The following KDM4A variants were observed in gnomAD, a reference collection of about 807,000 sequenced individuals.
KDM4A encodes the protein lysine demethylase 4A.
A neutral mutation model predicts 127.1 loss-of-function variants in KDM4A; 23 were observed. The observed-to-expected ratio is 0.18, with a 90% CI of 0.13 to 0.26. The LOEUF is 0.26. Among genes scored for constraint, KDM4A ranks in the 10% least tolerant of loss-of-function variants. KDM4A has a pLI of 1.00. For synonymous variants in KDM4A, 443 were observed against 466.5 expected (o/e 0.95, Z 0.65); for missense variants, 890 against 1,329.1 (o/e 0.67, Z 5.14).
At chr1:43,680,714 C>T (rs1193351330) in intron 11 of KDM4A, among the ~76,000 whole-genome samples, 1 of 152,230 alleles carries the variant, frequency 6.6e-6, no homozygotes, top group Non-Finnish European at 1.5e-5. Context: ...CAGCGGCATC[C>T]AGCCAAGTGT....
At chr1:43,660,276 G>A (rs1557904249) in intron 3 of KDM4A, 22 bp from the exon 4 acceptor site, 1 of 1,576,944 alleles carries the variant, frequency 6.3e-7, no homozygotes, top group African/African-American at 1.9e-5. Context: ...TGGTTTACAT[G>A]TTTCTTTTTA....
Position 43,681,747 on chromosome 1 carries a change from G to C in KDM4A, c.1735-1937G>C, listed in dbSNP as rs556160606. Among the ~76,000 whole-genome samples the C allele has an allele frequency of 3.3e-5, 5 of 152,124 alleles. No homozygotes were observed. In the South Asian group the frequency reaches 1.0e-3, roughly 32 times the overall value. Reference sequence around the variant, plus strand: ...CGGGGGGAAACAAGAATATTATTGGGGTATAGGAATAAAGCAAAATGAACT... The same window carrying C: ...CGGGGGGAAACAAGAATATTATTGGCGTATAGGAATAAAGCAAAATGAACT... On this transcript the variant is annotated intron_variant, in intron 11 of 21. Coordinates refer to ENST00000372396, the MANE Select transcript of KDM4A (RefSeq NM_014663.3).
rs1049904698 is a variant in KDM4A, at chr1:43,694,250, C to T, written c.2484+148C>T. On this transcript the variant is annotated intron_variant, in intron 17 of 21. Transcript: ENST00000372396. The surrounding 1 kb of genome is among the most constrained non-coding windows in gnomAD (Gnocchi z 5.2). ...CCTTAGTGGAGGCCAGGTGTGGTGG[C>T]TCACACCTGTAATCCCAGCCCTTTG... 6.0e-6 allele frequency: 4 copies of T among 670,776 alleles called. No individual in the cohort carries two copies. The highest frequency in any genetic ancestry group is 5.4e-5 in the Admixed American group (2 of 36,930). The allele number at this position is 670,776 out of a possible 1,614,324, so 41.6% of individuals were successfully genotyped here. A position where few individuals can be genotyped will look rare whatever the true frequency, so the allele number is the denominator to read the frequency against.
Position 43,671,485 on chromosome 1 carries a change from A to G in KDM4A, c.1364-20A>G, listed in dbSNP as rs547082985. The G allele has an allele frequency of 2.6e-6, 4 of 1,527,006 alleles. No homozygotes were observed. The highest frequency in any genetic ancestry group is 2.1e-5 in the Admixed American group (1 of 47,168). 94.6% of individuals were successfully genotyped at this position (1,527,006 alleles called of 1,614,324 possible). A position where few individuals can be genotyped will look rare whatever the true frequency, so the allele number is the denominator to read the frequency against. ...GTGCAGGAGGAACTTGGCTCTGTCT[A>G]ATGTGTATGTGTGTTTCAGATTATT... On this transcript the variant is annotated intron_variant, in intron 10 of 21. Coordinates refer to ENST00000372396, the MANE Select transcript of KDM4A (RefSeq NM_014663.3).
chr1:43,658,521 T>TTTA (rs1660299633), intron 3 of KDM4A, among the ~76,000 whole-genome samples: 1 of 144,400 alleles, frequency 6.9e-6, no homozygotes. Flanking sequence ...TTTTTTTTTT[T>TTTA]GAGATGGAGT....
At position 43,694,072 on chromosome 1, in the gene KDM4A, G is replaced by A. The variant is rs767177634; in HGVS notation, c.2454G>A (p.Val818=). 1 of 1,614,056 alleles carries A rather than the reference G, an allele frequency of 6.2e-7. No homozygotes were observed. Residue 818 remains valine, a synonymous_variant, in exon 17 of 22, where the codon GTG becomes GTA. Transcript: ENST00000372396. This position sits in a 1 kb window ranked among gnomAD's most constrained non-coding sequence, Gnocchi z 5.2. ...VNIAERSPVD[V]SKIPLPRFKL... is the part of the protein sequence containing the mutation. ...TTGCAGAAAGAAGTCCGGTGGATGT[G>A]AGCAAAATCCCCCTGCCCCGCTTCA...
intron 19 of KDM4A, among the ~76,000 whole-genome samples, chr1:43,701,849 T>G (rs1287392044): frequency 6.6e-6 from 1 of 152,212 alleles, no homozygotes; most frequent in Non-Finnish European, 1.5e-5. Context: ...AATTCACAAC[T>G]CAAACAACAC....
intron 1 of KDM4A, among the ~76,000 whole-genome samples, chr1:43,652,641 AC>A (rs2154046149): frequency 8.1e-6 from 1 of 123,774 alleles, no homozygotes; most frequent in Admixed American, 8.1e-5. Flanking sequence ...GAGCCACCAC[AC>A]CCCCACCCTA....
intron 18 of KDM4A, 103 bp from the exon 19 acceptor site, chr1:43,697,740 T>G (rs1352464182): frequency 5.3e-6 from 6 of 1,136,578 alleles, no homozygotes; most frequent in Non-Finnish European, 7.6e-6. Flanking sequence ...TACTTTCCCA[T>G]GCTTATCTTT....
intron 4 of KDM4A, among the ~76,000 whole-genome samples, chr1:43,662,179 C>T (rs956319941): frequency 1.3e-5 from 2 of 151,946 alleles, no homozygotes; most frequent in African/African-American, 2.4e-5. Context: ...AGATTACAGG[C>T]GTGAGCCACC....
chr1:43,685,351 C>G (rs1660948147), intron 12 of KDM4A, among the ~76,000 whole-genome samples: 1 of 152,050 alleles, frequency 6.6e-6, no homozygotes, highest in African/African-American at 2.4e-5. Context: ...CTGTCACCTT[C>G]AGGGAGAGCA....
At chr1:43,681,437 C>T (rs1660854466) in intron 11 of KDM4A, among the ~76,000 whole-genome samples, 1 of 152,216 alleles carries the variant, frequency 6.6e-6, no homozygotes, top group South Asian at 2.1e-4. Flanking sequence ...GACTTCTTTT[C>T]TGAACCCCCA....
chr1:43,656,819 G>A (rs1480889118), intron 3 of KDM4A, among the ~76,000 whole-genome samples: 1 of 151,096 alleles, frequency 6.6e-6, no homozygotes, highest in Non-Finnish European at 1.5e-5. Context: ...TCCACCTCCC[G>A]GGTTCAAGCA....
intron 2 of KDM4A, 66 bp from the exon 3 acceptor site, chr1:43,655,525 C>T: frequency 1.4e-6 from 2 of 1,421,530 alleles, no homozygotes; most frequent in Non-Finnish European, 1.9e-6. Context: ...TAACTACATG[C>T]TTCCTGGACT....
chr1:43,691,833 A>C (rs1169227149), intron 15 of KDM4A, among the ~76,000 whole-genome samples: 1 of 152,144 alleles, frequency 6.6e-6, no homozygotes, highest in African/African-American at 2.4e-5. Flanking sequence ...TAACTCCCTT[A>C]AAAGAATTTA....
At chr1:43,672,011 G>C in intron 11 of KDM4A, 136 bp downstream of exon 11, 1 of 991,464 alleles carries the variant, frequency 1.0e-6, no homozygotes, top group Non-Finnish European at 1.4e-6. Flanking sequence ...CCCTCAGTCA[G>C]TGCCTCTAGC....
intron 1 of KDM4A, among the ~76,000 whole-genome samples, chr1:43,651,862 C>T (rs765599348): frequency 3.3e-5 from 5 of 152,192 alleles, no homozygotes; most frequent in African/African-American, 4.8e-5. Context: ...ATGAAGTTTT[C>T]CGTGTATTGC....
In KDM4A at chr1:43,697,987, G is replaced by A. The variant is rs765466175; in HGVS notation, c.2815G>A (p.Asp939Asn). 7 of 1,613,738 alleles carry A rather than the reference G, an allele frequency of 4.3e-6. No homozygotes were observed. Among genetic ancestry groups the A allele is most frequent in the South Asian group, 1.1e-5 (1 of 91,054 alleles). Reference sequence around the variant, plus strand: ...CAACTTTGATGATGGCTCCTTCAGCGACAATCTTTATCCTGAGGACATAGT... The same window carrying A: ...CAACTTTGATGATGGCTCCTTCAGCAACAATCTTTATCCTGAGGACATAGT... Reference protein sequence around the residue: ...EVNFDDGSFSDNLYPEDIVSQ... With the variant: ...EVNFDDGSFSNNLYPEDIVSQ... The change falls in exon 19 of 22, where the codon GAC becomes AAC. Residue 939 changes from aspartate (D) to asparagine (N), a missense_variant. Physicochemically the swap from Asp to Asn is conservative, Grantham distance 23. Transcript: ENST00000372396.
Position 43,704,608 on chromosome 1 carries a change from T to C in KDM4A, c.*238T>C. The stretch of plus-strand genomic sequence containing the variant: ...ATCTCCCAGCTGAGGGGCTGAGCAC[T>C]GGAATGCTGTGGCTGCACTGGCCCC... On this transcript the variant is annotated 3_prime_UTR_variant, in exon 22 of 22. Transcript: ENST00000372396. 1 of 509,250 alleles carries C rather than the reference T, an allele frequency of 2.0e-6. No individual in the cohort carries two copies. Among genetic ancestry groups the C allele is most frequent in the Non-Finnish European group, 3.5e-6 (1 of 286,342 alleles). The allele number at this position is 509,250 out of a possible 1,614,324, so 31.5% of individuals were successfully genotyped here. A position where few individuals can be genotyped will look rare whatever the true frequency, so the allele number is the denominator to read the frequency against.
Sources: allele counts gnomAD v4.1 joint callset (sites outside exome capture counted in the v4.1 genomes callset), GRCh38; gene constraint gnomAD v4.1.1; non-coding constraint Gnocchi (gnomAD v3.1); transcripts MANE v1.5; gene names NCBI Gene and HGNC (gene_info 2026-07-23, HGNC 2026-07-21).